The following RNMT variants were observed in gnomAD, a reference collection of about 807,000 sequenced individuals.
RNMT encodes the protein mRNA cap guanine-N(7) methyltransferase.
A neutral mutation model predicts 56.0 loss-of-function variants in RNMT; 27 were observed. The observed-to-expected ratio is 0.48, with a 90% confidence interval of 0.36 to 0.67. RNMT has a LOEUF of 0.67. Among genes scored for constraint, RNMT ranks in the 30% least tolerant of loss-of-function variants. RNMT has a pLI of 0.00. For missense variants in RNMT, 519 were observed against 552.1 expected (o/e 0.94, Z 0.60); for synonymous variants, 184 against 176.2 (o/e 1.04, Z -0.35).
At chr18:13,757,622 T>G (rs529221906) in intron 11 of RNMT, among the ~76,000 whole-genome samples, 2 of 152,356 alleles carry the variant, frequency 1.3e-5, no homozygotes, top group East Asian at 3.9e-4. Flanking sequence ...GTTCTCTTGT[T>G]GTTGCCATCC....
intron 9 of RNMT, 64 bp from the exon 10 acceptor site, chr18:13,752,262 G>T (rs756968169): frequency 1.1e-6 from 1 of 929,620 alleles, no homozygotes; most frequent in Admixed American, 1.8e-5. Flanking sequence ...CAGTGATTTA[G>T]CATGTTTAAT....
At chr18:13,752,573 G>A (rs1201186702) in intron 10 of RNMT, 146 bp downstream of exon 10, 1 of 590,092 alleles carries the variant, frequency 1.7e-6, no homozygotes, top group South Asian at 2.2e-5. Context: ...ATGTTGACTT[G>A]TTATAACCAC....
chr18:13,761,957 C>T lies in RNMT; in HGVS notation c.*1978C>T, dbSNP rs2044625634. ...AGAAAAGGCTTCCCCTGCCTATCCT[C>T]TCCGATCACCAAGGTGGAAGGGAGC... On this transcript the variant is annotated 3_prime_UTR_variant, in exon 12 of 12. Transcript: ENST00000383314. 2.0e-5 allele frequency: 29 copies of T among 1,474,142 alleles called. No individual in the cohort carries two copies. Among genetic ancestry groups the T allele is most frequent in the Non-Finnish European group, 2.6e-5 (29 of 1,109,086 alleles). 91.3% of individuals were successfully genotyped at this position (1,474,142 alleles called of 1,614,324 possible).
chr18:13,742,336 TTA>T, intron 7 of RNMT, 150 bp from the exon 8 acceptor site: 21 of 666,990 alleles, frequency 3.1e-5, no homozygotes, highest in Non-Finnish European at 4.1e-5. Context: ...CCTTGTCACT[TTA>T]AAAAAAAAAA....
At chr18:13,751,553 A>G (rs919810880) in intron 9 of RNMT, among the ~76,000 whole-genome samples, 1 of 152,204 alleles carries the variant, frequency 6.6e-6, no homozygotes, top group Non-Finnish European at 1.5e-5. Flanking sequence ...GTGGAAGACA[A>G]TGTGGCGATT....
At position 13,761,964 on chromosome 18, in the gene RNMT, C is replaced by A; in HGVS notation, c.*1985C>A. 6.7e-7 allele frequency: 1 copy of A among 1,490,212 alleles called. No individual in the cohort carries two copies. The highest frequency in any genetic ancestry group is 8.9e-7 in the Non-Finnish European group (1 of 1,118,430). 92.3% of individuals were successfully genotyped at this position (1,490,212 alleles called of 1,614,324 possible). A position where few individuals can be genotyped will look rare whatever the true frequency, so the allele number is the denominator to read the frequency against. The stretch of plus-strand genomic sequence containing the variant: ...GCTTCCCCTGCCTATCCTCTCCGAT[C>A]ACCAAGGTGGAAGGGAGCTAGTAGG... On this transcript the variant is annotated 3_prime_UTR_variant, in exon 12 of 12. Transcript: ENST00000383314.
intron 5 of RNMT, 30 bp from the exon 6 acceptor site, chr18:13,740,137 A>T (rs1426775523): frequency 7.7e-7 from 1 of 1,306,660 alleles, no homozygotes; most frequent in African/African-American, 1.5e-5. Flanking sequence ...TTCTGTGTTG[A>T]TACTTACTAA....
Position 13,753,786 on chromosome 18 carries a change from A to AT in RNMT, c.1360-328_1360-327insT, listed in dbSNP as rs1158975797. On this transcript the variant is annotated intron_variant, in intron 10 of 11. Transcript: ENST00000383314. ...GCTCTGTCTCAAAAAAAGAAAAAAA[A>AT]AATAATACAAGATAGATGCATTTTC... Among the ~76,000 whole-genome samples, 18 of 149,944 alleles carry AT rather than the reference A, an allele frequency of 1.2e-4. No homozygotes were observed. The East Asian group carries it at 2.0e-3, about 17-fold the overall frequency.
chr18:13,762,046 G>A lies in RNMT; in HGVS notation c.*2067G>A, dbSNP rs768043505. 4.6e-4 allele frequency: 711 copies of A among 1,535,930 alleles called. 1 individual carries two copies. The highest frequency in any genetic ancestry group is 5.7e-4 in the Non-Finnish European group (654 of 1,146,870). Reference sequence around the variant, plus strand: ...GTTCGGTATTCTATTCAGGACTTACGGTAACTATTATGAGGGAGGCATGGC... The same window carrying A: ...GTTCGGTATTCTATTCAGGACTTACAGTAACTATTATGAGGGAGGCATGGC... On this transcript the variant is annotated 3_prime_UTR_variant, in exon 12 of 12. Coordinates refer to ENST00000383314, the MANE Select transcript of RNMT (RefSeq NM_003799.3).
In RNMT at chr18:13,731,579, C is replaced by T. The variant is rs747122646; in HGVS notation, c.62C>T (p.Ser21Leu). Residue 21 changes from serine (S) to leucine (L), a missense_variant, in exon 3 of 12, where the codon TCA becomes TTA. By Grantham distance (145) the Ser-to-Leu change is moderately radical. Transcript: ENST00000383314. ...ATGTCTCTTGAACAGGCAAAAGCGT[C>T]AGTGAATTCTGAAACAGAGTCTTCA... Reference protein sequence around the residue: ...EKMSLEQAKASVNSETESSFN... With the variant: ...EKMSLEQAKALVNSETESSFN... 1.2e-5 allele frequency: 20 copies of T among 1,612,760 alleles called. No homozygotes were observed. Among genetic ancestry groups the T allele is most frequent in the Middle Eastern group, 3.3e-4 (2 of 6,078 alleles).
chr18:13,753,127 T>C (rs1163958544), intron 10 of RNMT, among the ~76,000 whole-genome samples: 1 of 152,256 alleles, frequency 6.6e-6, no homozygotes. Context: ...CAGTGCTGTT[T>C]GATATTTCAA....
chr18:13,760,976 T>A lies in RNMT; in HGVS notation c.*997T>A, dbSNP rs375540512. ...CTTATGTGAACTGTTGTCCTTGCTT[T>A]ACACCACCATTTGGAAAACTTACCA... On this transcript the variant is annotated 3_prime_UTR_variant, in exon 12 of 12. Transcript: ENST00000383314. 1 of 985,474 alleles carries A rather than the reference T, an allele frequency of 1.0e-6. No homozygotes were observed. Among genetic ancestry groups the A allele is most frequent in the East Asian group, 1.1e-4 (1 of 8,824 alleles). The allele number at this position is 985,474 out of a possible 1,614,324, so 61.0% of individuals were successfully genotyped here. A position where few individuals can be genotyped will look rare whatever the true frequency, so the allele number is the denominator to read the frequency against.
intron 3 of RNMT, 120 bp from the exon 4 acceptor site, chr18:13,734,344 A>G (rs931509443): frequency 3.6e-6 from 3 of 835,940 alleles, no homozygotes; most frequent in Admixed American, 6.3e-5. Context: ...GTTAATTGCC[A>G]TTGTTTAGTG....
intron 3 of RNMT, 85 bp downstream of exon 3, chr18:13,732,019 C>A: frequency 9.3e-7 from 1 of 1,072,132 alleles, no homozygotes; most frequent in Non-Finnish European, 1.3e-6. Context: ...CTGGTTTTTA[C>A]ATAATAGCTT....
chr18:13,728,300 CTTT>C (rs1204415985), intron 1 of RNMT, among the ~76,000 whole-genome samples: 3 of 109,636 alleles, frequency 2.7e-5, no homozygotes, highest in African/African-American at 3.6e-5. Flanking sequence ...TCATCAGCAT[CTTT>C]TTTTTTTTTT....
Position 13,728,317 on chromosome 18 carries a change from TTTTTTTTTTTTTTTGTGTGTGTGTG to T in RNMT, c.-172+1590_-172+1614del, listed in dbSNP as rs1267544236. On this transcript the variant is annotated intron_variant, in intron 1 of 11. Coordinates refer to ENST00000383314, the MANE Select transcript of RNMT (RefSeq NM_003799.3). ...ATCAGCATCTTTTTTTTTTTTTTTT[TTTTTTTTTTTTTTTGTGTGTGTGTG>T]TGTGTGTGTGTGTGACGGAGCCTTG... 9.2e-3 allele frequency among the ~76,000 whole-genome samples: 128 copies of T among 13,934 alleles called. 2 individuals are homozygous for T. Among genetic ancestry groups the T allele is most frequent in the Admixed American group, 0.015 (16 of 1,060 alleles). 9.1% of individuals were successfully genotyped at this position (13,934 alleles called of 152,430 possible).
chr18:13,760,758 T>C lies in RNMT; in HGVS notation c.*779T>C. 2.0e-6 allele frequency: 2 copies of C among 985,386 alleles called. No individual in the cohort carries two copies. Among genetic ancestry groups the C allele is most frequent in the Non-Finnish European group, 2.4e-6 (2 of 829,868 alleles). The allele number at this position is 985,386 out of a possible 1,614,324, so 61.0% of individuals were successfully genotyped here. ...CAAAATTTAGTGAAAATCCCTCCCA[T>C]GTAGACATGTTGCACATTTTTTCCA... On this transcript the variant is annotated 3_prime_UTR_variant, in exon 12 of 12. Coordinates refer to ENST00000383314, the MANE Select transcript of RNMT (RefSeq NM_003799.3).
chr18:13,754,246 CCAGTACT>C (rs1194877264), intron 11 of RNMT, 99 bp downstream of exon 11: 1 of 718,850 alleles, frequency 1.4e-6, no homozygotes, highest in African/African-American at 1.8e-5. Flanking sequence ...GTGGCTCACA[CCAGTACT>C]CTCAGTATTT....
At position 13,730,637 on chromosome 18, in the gene RNMT, C is replaced by T. The variant is rs527337442; in HGVS notation, c.-161C>T. On this transcript the variant is annotated 5_prime_UTR_variant, in exon 2 of 12. Transcript: ENST00000383314. Reference sequence around the variant, plus strand: ...ATCCCTTACTAACAGGATGTGTGAACCTATTGGGTACTGTACAACTTCAAG... The same window carrying T: ...ATCCCTTACTAACAGGATGTGTGAATCTATTGGGTACTGTACAACTTCAAG... The T allele has an allele frequency of 6.6e-5, 10 of 152,264 alleles. No homozygotes were observed. The highest frequency in any genetic ancestry group is 2.4e-4 in the African/African-American group (10 of 41,532). The allele number at this position is 152,264 out of a possible 1,614,324, so 9.4% of individuals were successfully genotyped here.
Sources: gnomAD v4.1 joint callset for allele counts (sites outside exome capture counted in the v4.1 genomes callset) on GRCh38, gnomAD v4.1.1 for gene constraint, MANE v1.5 for transcripts, NCBI Gene and HGNC (gene_info 2026-07-23, HGNC 2026-07-21) for gene names.